Variants in DHX57 observed in about 807,000 individuals in gnomAD.
DHX57 encodes putative ATP-dependent RNA helicase DHX57.
Under a neutral mutation model 156.2 loss-of-function variants are expected in DHX57, and 105 were observed. The ratio of observed to expected loss-of-function variants is 0.67; its 90% confidence interval spans 0.57 to 0.79. DHX57 has a LOEUF of 0.79. Ranked by LOEUF, DHX57 falls within the 30% of genes least tolerant of loss-of-function variation. The pLI is 0.00. For missense variants in DHX57, 1,847 were observed against 1,661.9 expected (o/e 1.11, Z -1.94); for synonymous variants, 704 against 595.6 (o/e 1.18, Z -2.65).
chr2:38,831,858 A>AG (rs1671400891), intron 13 of DHX57, among the ~76,000 whole-genome samples: 1 of 151,100 alleles, frequency 6.6e-6, no homozygotes, highest in South Asian at 2.1e-4. Flanking sequence ...AAAAAAAAAA[A>AG]AATTACAAAA....
chr2:38,828,652 G>A (rs941251826), intron 13 of DHX57, among the ~76,000 whole-genome samples: 3 of 152,000 alleles, frequency 2.0e-5, no homozygotes, highest in African/African-American at 7.2e-5. Context: ...GAGCCAGGGA[G>A]GCGGAGTTTG....
At chr2:38,807,420 T>C (rs6756730) in intron 21 of DHX57, among the ~76,000 whole-genome samples, 144,321 of 151,812 alleles carry the variant, frequency 0.95, 69,040 homozygotes, top group East Asian at 1. Flanking sequence ...TGCAGTGAAG[T>C]GATCTGGGCT....
In DHX57 at chr2:38,861,360, A is replaced by G. The variant is rs754731915; in HGVS notation, c.1050T>C (p.Ser350=). The stretch of plus-strand genomic sequence containing the variant: ...ATCGAATTTCAAGTTCATATAAAAA[A>G]GATGCATCTTCAATAGCATTAAGAT... ...DSHLNAIEDA[S]FLYELEIRFS... is the part of the protein sequence containing the mutation. Residue 350 remains serine, a synonymous_variant, in exon 5 of 24, where the codon TCT becomes TCC. Transcript: ENST00000457308. 1 of 1,613,720 alleles carries G rather than the reference A, an allele frequency of 6.2e-7. No individual in the cohort carries two copies. The highest frequency in any genetic ancestry group is 8.5e-7 in the Non-Finnish European group (1 of 1,179,926).
chr2:38,840,874 A>C (rs1378019002), intron 12 of DHX57, among the ~76,000 whole-genome samples: 1 of 152,196 alleles, frequency 6.6e-6, no homozygotes, highest in Non-Finnish European at 1.5e-5. Context: ...GCTGGAGTGC[A>C]CTAGTGCGAT....
chr2:38,846,167 A>G (rs1378354020), intron 11 of DHX57, among the ~76,000 whole-genome samples: 4 of 152,208 alleles, frequency 2.6e-5, no homozygotes, highest in East Asian at 1.9e-4. Context: ...CACCCAGCCA[A>G]TAACTGCTAA....
intron 13 of DHX57, among the ~76,000 whole-genome samples, chr2:38,833,849 T>G (rs1472050655): frequency 6.6e-6 from 1 of 150,990 alleles, no homozygotes; most frequent in African/African-American, 2.4e-5. Flanking sequence ...TGAAAAAAAA[T>G]TAAGAAAGAG....
chr2:38,830,545 C>G (rs1007064899), intron 13 of DHX57, among the ~76,000 whole-genome samples: 1 of 151,936 alleles, frequency 6.6e-6, no homozygotes, highest in African/African-American at 2.4e-5. Flanking sequence ...ACGAGAATCA[C>G]TTGAACCCAG....
At chr2:38,820,402 A>AT (rs1670752046) in intron 17 of DHX57, among the ~76,000 whole-genome samples, 1 of 151,694 alleles carries the variant, frequency 6.6e-6, no homozygotes, top group Admixed American at 6.6e-5. Flanking sequence ...AGTGCTCACC[A>AT]TTACACCATG....
At chr2:38,811,959 A>G (rs940361993) in intron 21 of DHX57, among the ~76,000 whole-genome samples, 2 of 151,924 alleles carry the variant, frequency 1.3e-5, no homozygotes, top group Non-Finnish European at 2.9e-5. Flanking sequence ...GGGTTTTGCC[A>G]TGTTGCCCAG....
At chr2:38,852,069 A>G (rs555594715) in intron 9 of DHX57, among the ~76,000 whole-genome samples, 4 of 151,938 alleles carry the variant, frequency 2.6e-5, no homozygotes, top group African/African-American at 7.2e-5. Flanking sequence ...CTTTTGGTTC[A>G]TTCTTTTTAT....
intron 2 of DHX57, among the ~76,000 whole-genome samples, chr2:38,866,441 A>C (rs1665075924): frequency 6.6e-6 from 1 of 152,212 alleles, no homozygotes; most frequent in Non-Finnish European, 1.5e-5. Context: ...GCCTCTCTTC[A>C]CGTGATACCT....
chr2:38,813,842 AG>A lies in DHX57; in HGVS notation c.3659del (p.Ala1220ValfsTer6). ...TTACCTGCACTACATTTGGATACAA[AG>A]CAGCACACAGCATTGCTGATATCAG... Reference protein sequence around the residue: ...PKLISAMLCAALYPNVVQVKS... With the variant: ...PKLISAMLCAXLYPNVVQVKS... On this transcript the variant is annotated frameshift_variant, in exon 21 of 24. Transcript: ENST00000457308. LOFTEE classifies it high-confidence loss of function. 6.2e-7 allele frequency: 1 copy of A among 1,613,732 alleles called. No individual in the cohort carries two copies. The highest frequency in any genetic ancestry group is 8.5e-7 in the Non-Finnish European group (1 of 1,179,698).
At chr2:38,838,805 T>C (rs775701623) in intron 12 of DHX57, 2 of 456,556 alleles carry the variant, frequency 4.4e-6, no homozygotes, top group South Asian at 3.1e-5. Flanking sequence ...AATATCTTCA[T>C]TAACACCCAC....
intron 20 of DHX57, 24 bp from the exon 21 acceptor site, chr2:38,813,919 T>G: frequency 6.2e-7 from 1 of 1,611,022 alleles, no homozygotes; most frequent in East Asian, 2.2e-5. Context: ...ACAGCATTAA[T>G]TAACAAGTGA....
intron 22 of DHX57, 135 bp downstream of exon 22, chr2:38,806,424 C>G (rs1669938021): frequency 1.0e-6 from 1 of 973,330 alleles, no homozygotes; most frequent in Admixed American, 2.6e-5. Flanking sequence ...TCTGTTTATT[C>G]TTATTCAATC....
intron 20 of DHX57, 60 bp downstream of exon 20, chr2:38,815,461 G>A: frequency 6.2e-7 from 1 of 1,604,594 alleles, no homozygotes; most frequent in Non-Finnish European, 8.5e-7. Flanking sequence ...GTGTTCCCAG[G>A]TTAAGATTGT....
intron 9 of DHX57, among the ~76,000 whole-genome samples, chr2:38,851,759 T>A (rs113842656): frequency 6.6e-6 from 1 of 152,222 alleles, no homozygotes; most frequent in African/African-American, 2.4e-5. Flanking sequence ...ATACTGGATA[T>A]AGGTTTCCCT....
chr2:38,840,088 G>C (rs1305477169), intron 12 of DHX57, among the ~76,000 whole-genome samples: 1 of 151,910 alleles, frequency 6.6e-6, no homozygotes, highest in East Asian at 1.9e-4. Context: ...AGGGACTATA[G>C]GTGCACACCA....
In DHX57 at chr2:38,802,918, G is replaced by A. The variant is rs1439185815; in HGVS notation, c.3817-3C>T. On this transcript the variant is annotated splice_region_variant and splice_polypyrimidine_tract_variant and intron_variant, in intron 22 of 23. Transcript: ENST00000457308. The stretch of plus-strand genomic sequence containing the variant: ...TAGGGGCTGTCAAAGTGTCTCACCT[G>A]TAACAAAAAACCTCAGATGATGACA... 5 of 1,613,748 alleles carry A rather than the reference G, an allele frequency of 3.1e-6. No individual in the cohort carries two copies. Among genetic ancestry groups the A allele is most frequent in the Non-Finnish European group, 8.5e-7 (1 of 1,179,974 alleles).
Sources: allele counts gnomAD v4.1 joint callset (sites outside exome capture counted in the v4.1 genomes callset), GRCh38; gene constraint gnomAD v4.1.1; transcripts MANE v1.5; gene names NCBI Gene and HGNC (gene_info 2026-07-23, HGNC 2026-07-21).